Variants in MMP12 observed in about 807,000 individuals in gnomAD.
The protein encoded by MMP12 is macrophage metalloelastase.
In MMP12, 51 loss-of-function variants were observed where a neutral mutation model predicts 45.2. That is an observed-to-expected ratio of 1.13 (90% CI 0.90 to 1.42). The LOEUF (loss-of-function observed/expected upper bound fraction) is 1.42, where lower values mean the gene tolerates loss of function less well. Among genes scored for constraint, MMP12 ranks in the 40% most tolerant of loss-of-function variants. MMP12 has a pLI of 0.00. For synonymous variants in MMP12, 210 were observed against 193.3 expected (o/e 1.09, Z -0.72); for missense variants, 530 against 570.8 (o/e 0.93, Z 0.73).
intron 1 of MMP12, 116 bp from the exon 2 acceptor site, chr11:102,873,228 T>A (rs1591122674): frequency 1.2e-6 from 1 of 867,730 alleles, no homozygotes; most frequent in East Asian, 2.6e-5. Context: ...ATTTTGCACA[T>A]CTTACTCACA....
Position 102,863,752 on chromosome 11 carries a change from GA to G in MMP12, c.1312+393del, listed in dbSNP as rs531700785. Reference sequence around the variant, plus strand: ...CAGTCCATGAGGGCCTATCAGGGCAGAAGGGACTATAGGAAAGGTCAAGAGT... The same window carrying G: ...CAGTCCATGAGGGCCTATCAGGGCAGAGGGACTATAGGAAAGGTCAAGAGT... On this transcript the variant is annotated intron_variant, in intron 9 of 9. Coordinates refer to ENST00000571244, the MANE Select transcript of MMP12 (RefSeq NM_002426.6). 1.4e-4 allele frequency among the ~76,000 whole-genome samples: 22 copies of G among 152,322 alleles called. No homozygotes were observed. In the East Asian group the frequency reaches 4.2e-3, roughly 29 times the overall value.
rs782063892 is a variant in MMP12 at position 102,867,317 on chromosome 11, A to G, written c.864T>C (p.Phe288=). The G allele has an allele frequency of 6.2e-7, 1 of 1,610,540 alleles. No individual in the cohort carries two copies. Among genetic ancestry groups the G allele is most frequent in the South Asian group, 1.1e-5 (1 of 90,166 alleles). ...EPALCDPNLS[F]DAVTTVGNKI... Reference sequence around the variant, plus strand: ...TATTTCCCACGGTAGTGACAGCATCAAAACTCAAATTGGGGTCACAGAGAG... The same window carrying G: ...TATTTCCCACGGTAGTGACAGCATCGAAACTCAAATTGGGGTCACAGAGAG... Residue 288 remains phenylalanine, a synonymous_variant, in exon 6 of 10, where the codon TTT becomes TTC. Transcript: ENST00000571244.
intron 6 of MMP12, 118 bp downstream of exon 6, chr11:102,867,152 C>A: frequency 1.1e-6 from 1 of 915,102 alleles, no homozygotes; most frequent in South Asian, 2.0e-5. Context: ...AGAATCGAGT[C>A]CAAGTTCCTG....
At position 102,863,107 on chromosome 11, in the gene MMP12, C is replaced by T. The variant is rs782243994; in HGVS notation, c.1406G>A (p.Gly469Asp). The change falls in exon 10 of 10, where the codon GGT becomes GAT. Residue 469 changes from glycine (G) to aspartate (D), a missense_variant. By Grantham distance (94) the Gly-to-Asp change is moderately conservative (BLOSUM62 -1). Transcript: ENST00000571244. The part of the protein sequence containing the change: ...TKTLKSNSWF[G>D]C ...CCATTAATTACACCATTTCTAACAA[C>T]CAAACCAGCTATTGCTTTTCAGTGT... The T allele has an allele frequency of 6.9e-6, 11 of 1,605,534 alleles. No individual in the cohort carries two copies. Among genetic ancestry groups the T allele is most frequent in the Non-Finnish European group, 9.4e-6 (11 of 1,175,208 alleles).
intron 2 of MMP12, 95 bp from the exon 3 acceptor site, chr11:102,872,047 G>A (rs997228353): frequency 2.2e-5 from 28 of 1,289,604 alleles, no homozygotes; most frequent in Middle Eastern, 3.9e-4. Context: ...TTGGAAAATG[G>A]ATCATTTCAT....
chr11:102,865,996 T>C lies in MMP12; in HGVS notation c.1046-61A>G, dbSNP rs371389693. On this transcript the variant is annotated intron_variant, in intron 7 of 9. Coordinates refer to ENST00000571244, the MANE Select transcript of MMP12 (RefSeq NM_002426.6). This position sits in a 1 kb window ranked among gnomAD's most constrained non-coding sequence, Gnocchi z 4.1. ...TACAGGAAGAGTAATAAGAAAATATTGATTTACTATAAACAACATAATTCC... is the reference window on the plus strand; with the variant it reads ...TACAGGAAGAGTAATAAGAAAATATCGATTTACTATAAACAACATAATTCC... 3.1e-6 allele frequency: 4 copies of C among 1,281,492 alleles called. No individual in the cohort carries two copies. The African/African-American group carries it at 4.5e-5, about 14-fold the overall frequency. The allele number at this position is 1,281,492 out of a possible 1,614,324, so 79.4% of individuals were successfully genotyped here.
chr11:102,871,573 T>C, intron 4 of MMP12, 21 bp downstream of exon 4: 1 of 1,549,606 alleles, frequency 6.5e-7, no homozygotes, highest in Non-Finnish European at 8.7e-7. Context: ...TTTTGTTTGT[T>C]TGTTTGTTTG....
chr11:102,869,241 G>T (rs1375287546), intron 4 of MMP12, among the ~76,000 whole-genome samples: 1 of 151,928 alleles, frequency 6.6e-6, no homozygotes, highest in African/African-American at 2.4e-5. Context: ...GCCTGGCCTT[G>T]GAATACTCTC....
rs1555008469 is a variant in MMP12 at position 102,865,944 on chromosome 11, A to G, written c.1046-9T>C. On this transcript the variant is annotated splice_polypyrimidine_tract_variant and intron_variant, in intron 7 of 9. Transcript: ENST00000571244. This position sits in a 1 kb window ranked among gnomAD's most constrained non-coding sequence, Gnocchi z 4.1. ...TAACCAGTATTTGTCATCTGTGAAG[A>G]CAAAGAAATAGGGTAAATTTGAATT... The G allele has an allele frequency of 6.3e-7, 1 of 1,596,828 alleles. No homozygotes were observed. The highest frequency in any genetic ancestry group is 1.7e-5 in the Admixed American group (1 of 58,600).
At chr11:102,868,444 C>T (rs575195172) in intron 4 of MMP12, among the ~76,000 whole-genome samples, 2 of 152,196 alleles carry the variant, frequency 1.3e-5, no homozygotes, top group African/African-American at 4.8e-5. Context: ...CCTAGAATAA[C>T]TCACAGCTGC....
At chr11:102,868,629 G>GT (rs1185294774) in intron 4 of MMP12, among the ~76,000 whole-genome samples, 1 of 152,106 alleles carries the variant, frequency 6.6e-6, no homozygotes, top group Admixed American at 6.5e-5. Context: ...ACTGAGAAAT[G>GT]TAACACATTA....
At chr11:102,872,665 T>C (rs1286581622) in intron 2 of MMP12, among the ~76,000 whole-genome samples, 200 bp downstream of exon 2, 2 of 152,186 alleles carry the variant, frequency 1.3e-5, no homozygotes, top group African/African-American at 2.4e-5. Flanking sequence ...AAAATCTGCT[T>C]TGGACTGGCA....
intron 9 of MMP12, 94 bp downstream of exon 9, chr11:102,864,052 C>G: frequency 2.1e-6 from 2 of 962,868 alleles, no homozygotes; most frequent in African/African-American, 1.6e-5. Context: ...GAAACCTGTC[C>G]CTTTCCAATT....
chr11:102,873,463 G>A (rs1202232859), intron 1 of MMP12, among the ~76,000 whole-genome samples: 6 of 152,138 alleles, frequency 3.9e-5, no homozygotes, highest in Admixed American at 2.0e-4. Flanking sequence ...ATCCCAGAGC[G>A]TTGGTGCATG....
rs201559251 is a variant in MMP12, at chr11:102,871,670, A to G, written c.549T>C (p.His183=). 3.8e-6 allele frequency: 6 copies of G among 1,600,002 alleles called. No individual in the cohort carries two copies. Among genetic ancestry groups the G allele is most frequent in the Non-Finnish European group, 5.1e-6 (6 of 1,172,592 alleles). Residue 183 remains histidine, a synonymous_variant, in exon 4 of 10, where the codon CAT becomes CAC. Transcript: ENST00000571244. ...CAATGCCAGATCCAGGTCCAAAAGCATGGGCTAGGATTCCACCTTTGCCAT... is the reference window on the plus strand; with the variant it reads ...CAATGCCAGATCCAGGTCCAAAAGCGTGGGCTAGGATTCCACCTTTGCCAT... ...AFDGKGGILA[H]AFGPGSGIGG...
chr11:102,869,019 G>A (rs1039539692), intron 4 of MMP12, among the ~76,000 whole-genome samples: 24 of 152,002 alleles, frequency 1.6e-4, no homozygotes, highest in Admixed American at 6.6e-5. Context: ...GTTCATTTTT[G>A]TGTTATGTCC....
intron 5 of MMP12, 48 bp downstream of exon 5, chr11:102,867,860 T>A: frequency 6.5e-7 from 1 of 1,544,762 alleles, no homozygotes; most frequent in Non-Finnish European, 8.8e-7. Flanking sequence ...AGACTATTCA[T>A]AAAAGCGAGT....
At chr11:102,866,189 G>A in intron 7 of MMP12, 126 bp downstream of exon 7, 2 of 1,035,954 alleles carry the variant, frequency 1.9e-6, no homozygotes, top group Admixed American at 3.0e-5. Context: ...ACACTTCAGA[G>A]CGAGCCACTA....
chr11:102,871,469 C>T (rs1372841119), intron 4 of MMP12, 125 bp downstream of exon 4: 1 of 1,217,636 alleles, frequency 8.2e-7, no homozygotes, highest in African/African-American at 1.5e-5. Flanking sequence ...CAAGATTTTC[C>T]ATCATATAAT....
Sources: gnomAD v4.1 joint callset for allele counts (sites outside exome capture counted in the v4.1 genomes callset) on GRCh38, gnomAD v4.1.1 for gene constraint, Gnocchi (gnomAD v3.1) non-coding constraint, MANE v1.5 for transcripts, NCBI Gene and HGNC (gene_info 2026-07-23, HGNC 2026-07-21) for gene names.